DMRTB1: variants seen among roughly 807,000 people sequenced by gnomAD.
DMRTB1 encodes doublesex- and mab-3-related transcription factor B1.
In DMRTB1, 9 loss-of-function variants were observed where a neutral mutation model predicts 25.2. The observed-to-expected ratio is 0.36, with a 90% CI of 0.22 to 0.62. DMRTB1 has a LOEUF of 0.62. DMRTB1 is among the 20% of genes least tolerant of loss of function. The probability of loss-of-function intolerance (pLI) is 0.71; values close to 1 mark genes in which losing one functional copy is unlikely to be tolerated. For missense variants in DMRTB1, 551 were observed against 499.3 expected, an observed-to-expected ratio of 1.10 and a Z score of -0.99; for synonymous variants, 269 against 238.1, an observed-to-expected ratio of 1.13 and a Z score of -1.20.
chr1:53,460,194 A>G, intron 1 of DMRTB1, 164 bp downstream of exon 1: 4 of 1,020,506 alleles, frequency 3.9e-6, no homozygotes, highest in Non-Finnish European at 5.3e-6. Flanking sequence ...TGGATTGGGT[A>G]ACTTTTCGCA....
intron 1 of DMRTB1, 34 bp downstream of exon 1, chr1:53,460,064 C>T (rs756173442): frequency 1.1e-4 from 175 of 1,522,712 alleles, no homozygotes; most frequent in Admixed American, 5.5e-4. Flanking sequence ...GGTCGACTCC[C>T]GGAGCTGGCA....
rs147771576 is a variant in DMRTB1 at position 53,464,689 on chromosome 1, C to G, written c.803C>G (p.Pro268Arg). The G allele has an allele frequency of 6.2e-7, 1 of 1,613,416 alleles. No homozygotes were observed. Among genetic ancestry groups the G allele is most frequent in the African/African-American group, 1.3e-5 (1 of 75,020 alleles). ...CCAAGCTACTACCTGCCGCCGCCGCCGCCGCCACTGCCGCCCCTTCCACCG... is the reference window on the plus strand; with the variant it reads ...CCAAGCTACTACCTGCCGCCGCCGCGGCCGCCACTGCCGCCCCTTCCACCG... ...FQPSYYLPPP[P>R]PPLPPLPPLP... The change falls in exon 3 of 4, where the codon CCG becomes CGG. Residue 268 changes from proline (P) to arginine (R), a missense_variant. Pro to Arg is a moderately radical substitution (Grantham distance 103). Transcript: ENST00000371445.
Position 53,459,589 on chromosome 1 carries a change from C to T in DMRTB1, c.136C>T (p.Arg46Cys). 6.2e-7 allele frequency: 1 copy of T among 1,600,994 alleles called. No individual in the cohort carries two copies. Among genetic ancestry groups the T allele is most frequent in the Non-Finnish European group, 8.5e-7 (1 of 1,174,132 alleles). Reference sequence around the variant, plus strand: ...CGAGAAGTGCTACCTGATCTCCGAGCGCCAGAAGATCATGGCCGCGCAGAA... The same window carrying T: ...CGAGAAGTGCTACCTGATCTCCGAGTGCCAGAAGATCATGGCCGCGCAGAA... ...LCEKCYLISE[R>C]QKIMAAQKVL... The change falls in exon 1 of 4, where the codon CGC becomes TGC. Residue 46 changes from arginine to cysteine, a missense_variant. Arg to Cys is a radical substitution (Grantham distance 180, BLOSUM62 -3). Transcript: ENST00000371445.
intron 1 of DMRTB1, 84 bp downstream of exon 1, chr1:53,460,114 G>C: frequency 1.4e-6 from 2 of 1,421,600 alleles, no homozygotes; most frequent in Non-Finnish European, 1.8e-6. Context: ...ATAGGGGTTC[G>C]GGGTGGAGAG....
At position 53,459,488 on chromosome 1, in the gene DMRTB1, C is replaced by T. The variant is rs1644004472; in HGVS notation, c.35C>T (p.Ser12Leu). ...AAAATGGTGCGCACCCCCAAGTGCT[C>T]GAGATGCAGGAACCATGGCTTCCTG... ...ADKMVRTPKCSRCRNHGFLVP... is the reference protein window; with the variant it reads ...ADKMVRTPKCLRCRNHGFLVP... Residue 12 changes from serine (S) to leucine (L), a missense_variant, in exon 1 of 4, where the codon TCG becomes TTG. Coordinates refer to ENST00000371445, the MANE Select transcript of DMRTB1 (RefSeq NM_033067.3). 1 of 1,613,022 alleles carries T rather than the reference C, an allele frequency of 6.2e-7. No homozygotes were observed. The highest frequency in any genetic ancestry group is 1.7e-5 in the Admixed American group (1 of 60,010).
rs1207365589 is a variant in DMRTB1, at chr1:53,464,583, C to T, written c.751-54C>T. On this transcript the variant is annotated intron_variant, in intron 2 of 3. Coordinates refer to ENST00000371445, the MANE Select transcript of DMRTB1 (RefSeq NM_033067.3). ...AGGGGTGAGAGCTATGTTTGGTCAG[C>T]CCATCTGGCTAACTCTCTCTCCTCT... is the stretch of plus-strand genomic sequence containing the variant. The T allele has an allele frequency of 8.1e-6, 13 of 1,611,276 alleles. No individual in the cohort carries two copies. In the Admixed American group the frequency reaches 2.0e-4, roughly 25 times the overall value.
chr1:53,464,554 C>T (rs1644039701), intron 2 of DMRTB1, 83 bp from the exon 3 acceptor site: 12 of 1,607,134 alleles, frequency 7.5e-6, no homozygotes, highest in Non-Finnish European at 1.0e-5. Context: ...GAGCCCCCCA[C>T]TTCAGGGGTG....
Position 53,464,809 on chromosome 1 carries a change from C to T in DMRTB1, c.923C>T (p.Ser308Leu), listed in dbSNP as rs1204707793. Reference protein sequence around the residue: ...PPPPPPPSSFSLTVLFDTDKE... With the variant: ...PPPPPPPSSFLLTVLFDTDKE... ...CCACCACCACCTCCATCATCTTTCTCACTGACCGTCCTGTTTGATACTGAC... is the reference window on the plus strand; with the variant it reads ...CCACCACCACCTCCATCATCTTTCTTACTGACCGTCCTGTTTGATACTGAC... The change falls in exon 3 of 4, where the codon TCA becomes TTA. Residue 308 changes from serine (S) to leucine (L), a missense_variant. Transcript: ENST00000371445. The T allele has an allele frequency of 6.2e-7, 1 of 1,614,014 alleles. No homozygotes were observed. Among genetic ancestry groups the T allele is most frequent in the Admixed American group, 1.7e-5 (1 of 60,018 alleles).
chr1:53,463,095 T>C (rs550737917), intron 2 of DMRTB1, among the ~76,000 whole-genome samples: 2 of 152,366 alleles, frequency 1.3e-5, no homozygotes, highest in East Asian at 1.9e-4. Context: ...TCCAGGGAGA[T>C]GCTTGGCTGA....
chr1:53,460,091 A>T, intron 1 of DMRTB1, 61 bp downstream of exon 1: 1 of 1,482,214 alleles, frequency 6.7e-7, no homozygotes, highest in Non-Finnish European at 8.9e-7. Flanking sequence ...GCCAGCCCGG[A>T]TGGGGAGCTG....
rs1052902692 is a variant in DMRTB1 at position 53,461,400 on chromosome 1, G to A, written c.578-73G>A. On this transcript the variant is annotated intron_variant, in intron 1 of 3. Coordinates refer to ENST00000371445, the MANE Select transcript of DMRTB1 (RefSeq NM_033067.3). ...CTTGGACGGCAGCGCTGATGACCCCGCCGCCCTGGGCCGCCCTGCGGATGC... is the reference window on the plus strand; with the variant it reads ...CTTGGACGGCAGCGCTGATGACCCCACCGCCCTGGGCCGCCCTGCGGATGC... 1.2e-5 allele frequency: 17 copies of A among 1,458,036 alleles called. No individual in the cohort carries two copies. The African/African-American group carries it at 1.7e-4, about 15-fold the overall frequency. 90.3% of individuals were successfully genotyped at this position (1,458,036 alleles called of 1,614,324 possible). A position where few individuals can be genotyped will look rare whatever the true frequency, so the allele number is the denominator to read the frequency against.
Position 53,461,458 on chromosome 1 carries a change from G to A in DMRTB1, c.578-15G>A. On this transcript the variant is annotated splice_polypyrimidine_tract_variant and intron_variant, in intron 1 of 3. Transcript: ENST00000371445. ...AGCGGTGTCTAACACTTCCCTCCTT[G>A]CTTGCGTTCTTTAGTGCGCCCTCTG... 1.9e-6 allele frequency: 3 copies of A among 1,561,736 alleles called. No individual in the cohort carries two copies.
At chr1:53,460,884 C>T (rs1047207287) in intron 1 of DMRTB1, among the ~76,000 whole-genome samples, 8 of 152,186 alleles carry the variant, frequency 5.3e-5, no homozygotes, top group African/African-American at 1.4e-4. Context: ...AGGCTCGTCC[C>T]GCCCCCCTGA....
intron 3 of DMRTB1, among the ~76,000 whole-genome samples, chr1:53,465,127 T>C (rs570295822): frequency 6.6e-6 from 1 of 152,314 alleles, no homozygotes; most frequent in African/African-American, 2.4e-5. Flanking sequence ...TTTTTCAGTC[T>C]AGCTCCCAGT....
At position 53,461,465 on chromosome 1, in the gene DMRTB1, T is replaced by G. The variant is rs1557922243; in HGVS notation, c.578-8T>G. 3 of 1,568,868 alleles carry G rather than the reference T, an allele frequency of 1.9e-6. No individual in the cohort carries two copies. The highest frequency in any genetic ancestry group is 2.6e-6 in the Non-Finnish European group (3 of 1,154,920). ...TCTAACACTTCCCTCCTTGCTTGCG[T>G]TCTTTAGTGCGCCCTCTGAACATCA... On this transcript the variant is annotated splice_region_variant and splice_polypyrimidine_tract_variant and intron_variant, in intron 1 of 3. Coordinates refer to ENST00000371445, the MANE Select transcript of DMRTB1 (RefSeq NM_033067.3).
intron 2 of DMRTB1, among the ~76,000 whole-genome samples, chr1:53,462,599 C>T (rs1644028350): frequency 6.6e-6 from 1 of 152,208 alleles, no homozygotes; most frequent in Non-Finnish European, 1.5e-5. Flanking sequence ...TCTATTGAAC[C>T]TTCAAGGCAG....
rs773403546 is a variant in DMRTB1 at position 53,464,625 on chromosome 1, T to TGTGCCGTGC, written c.751-11_751-3dup. On this transcript the variant is annotated splice_polypyrimidine_tract_variant and intron_variant, in intron 2 of 3. Transcript: ENST00000371445. ...CTCTCCTCTCCGCCTCTCTGCTGTG[T>TGTGCCGTGC]GTGCCGTGCAGGTGTCAGAACCAGG... The TGTGCCGTGC allele has an allele frequency of 1.2e-6, 2 of 1,613,058 alleles. No homozygotes were observed. The highest frequency in any genetic ancestry group is 1.1e-5 in the South Asian group (1 of 91,034).
At chr1:53,461,381 CG>C in intron 1 of DMRTB1, 91 bp from the exon 2 acceptor site, 1 of 1,343,362 alleles carries the variant, frequency 7.4e-7, no homozygotes, top group Non-Finnish European at 1.0e-6. Context: ...TGTGCTTGGA[CG>C]GCAGCGCTGA....
In DMRTB1 at chr1:53,459,582, C is replaced by G; in HGVS notation, c.129C>G (p.Ile43Met). 2 of 1,604,102 alleles carry G rather than the reference C, an allele frequency of 1.2e-6. No homozygotes were observed. Among genetic ancestry groups the G allele is most frequent in the Non-Finnish European group, 8.5e-7 (1 of 1,175,636 alleles). The change falls in exon 1 of 4, where the codon ATC becomes ATG. Residue 43 changes from isoleucine (I) to methionine (M), a missense_variant. Ile to Met is a conservative substitution (Grantham distance 10). Transcript: ENST00000371445. ...GCCTCTGCGAGAAGTGCTACCTGAT[C>G]TCCGAGCGCCAGAAGATCATGGCCG... ...KQCLCEKCYL[I>M]SERQKIMAAQ...
Sources: allele counts gnomAD v4.1 joint callset (sites outside exome capture counted in the v4.1 genomes callset), GRCh38; gene constraint gnomAD v4.1.1; transcripts MANE v1.5; gene names NCBI Gene and HGNC (gene_info 2026-07-23, HGNC 2026-07-21).